The following DIAPH3 variants were observed in gnomAD, a reference collection of about 807,000 sequenced individuals.
The protein encoded by DIAPH3 is diaphanous related formin 3.
A neutral mutation model predicts 144.3 loss-of-function variants in DIAPH3; 117 were observed. The ratio of observed to expected loss-of-function variants is 0.81; its 90% CI spans 0.70 to 0.95. The LOEUF (loss-of-function observed/expected upper bound fraction) is 0.95, where lower values mean the gene tolerates loss of function less well. DIAPH3 is among the 40% of genes least tolerant of loss of function. DIAPH3 has a pLI of 0.00. For synonymous variants in DIAPH3, 519 were observed against 488.9 expected, an observed-to-expected ratio of 1.06 and a Z score of -0.81; for missense variants, 1,421 against 1,412.7, an observed-to-expected ratio of 1.01 and a Z score of -0.09.
At chr13:59,762,086 G>T (rs1485310444) in intron 27 of DIAPH3, among the ~76,000 whole-genome samples, 2 of 94,324 alleles carry the variant, frequency 2.1e-5, no homozygotes, top group Non-Finnish European at 3.9e-5. Flanking sequence ...TTTTTAGACA[G>T]TCTTGCTCTG....
At chr13:60,001,795 A>G (rs891618614) in intron 9 of DIAPH3, among the ~76,000 whole-genome samples, 8 of 152,232 alleles carry the variant, frequency 5.3e-5, no homozygotes, top group African/African-American at 1.9e-4. Context: ...GCAACTATGG[A>G]GTTCTCTCCA....
chr13:59,724,456 G>C (rs978070193), intron 27 of DIAPH3, among the ~76,000 whole-genome samples: 5 of 152,098 alleles, frequency 3.3e-5, no homozygotes, highest in African/African-American at 1.2e-4. Context: ...CAAAACTCTT[G>C]GTTGGCCTTA....
intron 27 of DIAPH3, among the ~76,000 whole-genome samples, chr13:59,688,772 G>A (rs2033349189): frequency 6.6e-6 from 1 of 151,962 alleles, no homozygotes; most frequent in Non-Finnish European, 1.5e-5. Context: ...ACAACTTGCA[G>A]GGAACTTTAC....
At chr13:59,927,898 A>G (rs1405007829) in intron 17 of DIAPH3, among the ~76,000 whole-genome samples, 1 of 152,146 alleles carries the variant, frequency 6.6e-6, no homozygotes, top group Non-Finnish European at 1.5e-5. Flanking sequence ...GGAATCTTTG[A>G]GCTTCGTGTA....
chr13:60,044,606 C>T (rs1423455901), intron 4 of DIAPH3, among the ~76,000 whole-genome samples: 1 of 152,096 alleles, frequency 6.6e-6, no homozygotes, highest in Middle Eastern at 3.2e-3. Flanking sequence ...ATTTAGAAAA[C>T]ACAGAAAAGC....
At chr13:60,130,861 G>A (rs1001371547) in intron 2 of DIAPH3, among the ~76,000 whole-genome samples, 2 of 152,060 alleles carry the variant, frequency 1.3e-5, no homozygotes, top group Non-Finnish European at 2.9e-5. Context: ...GGAGAGGTGA[G>A]GAATGGGGGA....
intron 17 of DIAPH3, among the ~76,000 whole-genome samples, chr13:59,942,211 C>A (rs2048572243): frequency 1.3e-5 from 2 of 152,142 alleles, no homozygotes; most frequent in African/African-American, 4.8e-5. Context: ...AATTAACTAT[C>A]AAATATATTG....
intron 27 of DIAPH3, among the ~76,000 whole-genome samples, chr13:59,741,433 G>A (rs1000307259): frequency 3.3e-5 from 5 of 152,064 alleles, no homozygotes; most frequent in African/African-American, 1.2e-4. Context: ...GACAAAAACA[G>A]AAGACAAAAC....
At chr13:60,111,407 T>C (rs2058564065) in intron 3 of DIAPH3, among the ~76,000 whole-genome samples, 1 of 152,226 alleles carries the variant, frequency 6.6e-6, no homozygotes, top group African/African-American at 2.4e-5. Flanking sequence ...GTGACTGTCA[T>C]TTTAACATGG....
chr13:59,683,256 G>GT (rs2033040834), intron 27 of DIAPH3, among the ~76,000 whole-genome samples: 1 of 152,076 alleles, frequency 6.6e-6, no homozygotes, highest in Non-Finnish European at 1.5e-5. Flanking sequence ...ATTGTGTTGA[G>GT]TAGTCAGTCA....
chr13:60,105,515 T>C (rs1198828588), intron 3 of DIAPH3, among the ~76,000 whole-genome samples: 1 of 152,158 alleles, frequency 6.6e-6, no homozygotes, highest in Non-Finnish European at 1.5e-5. Context: ...ATTATCCCCC[T>C]GACAAACACA....
chr13:59,881,408 G>A (rs1248209323), intron 20 of DIAPH3, among the ~76,000 whole-genome samples: 2 of 152,006 alleles, frequency 1.3e-5, no homozygotes, highest in African/African-American at 2.4e-5. Context: ...TATGAAGCCA[G>A]GTACTTGCAA....
chr13:59,891,131 T>G (rs1406234996), intron 20 of DIAPH3, among the ~76,000 whole-genome samples: 1 of 151,992 alleles, frequency 6.6e-6, no homozygotes, highest in Admixed American at 6.6e-5. Context: ...AACCTCATAA[T>G]GAGATTTGAA....
intron 20 of DIAPH3, among the ~76,000 whole-genome samples, chr13:59,894,906 C>T (rs1392449640): frequency 6.6e-6 from 1 of 151,948 alleles, no homozygotes; most frequent in Non-Finnish European, 1.5e-5. Context: ...AGAAAGACTC[C>T]ATTTGTCCAA....
intron 27 of DIAPH3, among the ~76,000 whole-genome samples, chr13:59,735,672 A>G (rs1439543708): frequency 6.6e-6 from 1 of 152,122 alleles, no homozygotes; most frequent in Non-Finnish European, 1.5e-5. Context: ...CCCATGAGGT[A>G]GATTTTTTTT....
chr13:59,979,561 G>A (rs570261356), intron 14 of DIAPH3, among the ~76,000 whole-genome samples: 5 of 151,718 alleles, frequency 3.3e-5, no homozygotes, highest in Middle Eastern at 3.4e-3. Context: ...AGCCGAAGGC[G>A]TGGGAAATAA....
chr13:59,967,546 C>T (rs2050131724), intron 17 of DIAPH3, among the ~76,000 whole-genome samples: 1 of 152,184 alleles, frequency 6.6e-6, no homozygotes, highest in Non-Finnish European at 1.5e-5. Context: ...CTCTGGACAT[C>T]TTTCTCTTTC....
chr13:59,916,886 T>C (rs1593970661), intron 18 of DIAPH3, among the ~76,000 whole-genome samples: 1 of 152,250 alleles, frequency 6.6e-6, no homozygotes, highest in Non-Finnish European at 1.5e-5. Flanking sequence ...TAATATGTTA[T>C]TACTGAGAAT....
intron 12 of DIAPH3, among the ~76,000 whole-genome samples, chr13:59,985,125 T>C (rs1406330523): frequency 7.1e-6 from 1 of 141,178 alleles, no homozygotes; most frequent in Non-Finnish European, 1.5e-5. Flanking sequence ...TTATCCACCA[T>C]GATCAAGTGG....
Sources: gnomAD v4.1 joint callset for allele counts (sites outside exome capture counted in the v4.1 genomes callset) on GRCh38, gnomAD v4.1.1 for gene constraint, MANE v1.5 for transcripts, NCBI Gene and HGNC (gene_info 2026-07-23, HGNC 2026-07-21) for gene names.